STIP1: variants seen among roughly 807,000 people sequenced by gnomAD.
STIP1 encodes stress-induced-phosphoprotein 1.
A neutral mutation model predicts 77.4 loss-of-function variants in STIP1; 16 were observed. That is an observed-to-expected ratio of 0.21 (90% CI 0.14 to 0.31). The LOEUF is 0.31. Among genes scored for constraint, STIP1 ranks in the 10% least tolerant of loss-of-function variants. STIP1 has a pLI of 1.00. For missense variants in STIP1, 524 were observed against 684.8 expected, an observed-to-expected ratio of 0.77 and a Z score of 2.62; for synonymous variants, 258 against 246.6, an observed-to-expected ratio of 1.05 and a Z score of -0.44.
At chr11:64,199,863 C>T in intron 8 of STIP1, 77 bp from the exon 9 acceptor site, 3 of 1,564,666 alleles carry the variant, frequency 1.9e-6, no homozygotes, top group South Asian at 1.1e-5. Flanking sequence ...GCGCCCGGCC[C>T]CTAATGTGAT....
chr11:64,195,838 G>A, intron 5 of STIP1, 25 bp downstream of exon 5: 2 of 1,613,758 alleles, frequency 1.2e-6, no homozygotes, highest in African/African-American at 1.3e-5. Flanking sequence ...TCTCCTCACT[G>A]TCACCTATCT....
intron 10 of STIP1, 114 bp downstream of exon 10, chr11:64,200,407 G>GTCT (rs930570345): frequency 1.2e-5 from 18 of 1,477,224 alleles, no homozygotes; most frequent in Admixed American, 2.3e-5. Context: ...TTGAGACAGT[G>GTCT]TCTCACTCTG....
chr11:64,199,598 T>C (rs1946192965), intron 8 of STIP1, among the ~76,000 whole-genome samples: 1 of 141,590 alleles, frequency 7.1e-6, no homozygotes, highest in African/African-American at 2.6e-5. Context: ...AGTCTCGCTC[T>C]GTCACCCAGG....
chr11:64,197,442 G>A, intron 6 of STIP1, 45 bp downstream of exon 6: 2 of 1,614,144 alleles, frequency 1.2e-6, no homozygotes, highest in East Asian at 2.2e-5. Context: ...GGGTGTCTCT[G>A]AGGGAGGAAG....
rs562766276 is a variant in STIP1, at chr11:64,194,704, G to A, written c.503+84G>A. 6.6e-6 allele frequency: 10 copies of A among 1,515,142 alleles called. No homozygotes were observed. The East Asian group carries it at 1.9e-4, about 29-fold the overall frequency. 93.9% of individuals were successfully genotyped at this position (1,515,142 alleles called of 1,614,324 possible). A position where few individuals can be genotyped will look rare whatever the true frequency, so the allele number is the denominator to read the frequency against. On this transcript the variant is annotated intron_variant, in intron 4 of 13. Coordinates refer to ENST00000305218, the MANE Select transcript of STIP1 (RefSeq NM_006819.3). The stretch of plus-strand genomic sequence containing the variant: ...GTAACCTCACAGCAGAGGGTTCCCT[G>A]GTCTAAACTGCAGAGTTTTTGCCTT...
chr11:64,200,109 G>T (rs899208875), intron 9 of STIP1, 60 bp from the exon 10 acceptor site: 40 of 1,612,206 alleles, frequency 2.5e-5, no homozygotes, highest in Non-Finnish European at 3.2e-5. Flanking sequence ...GGGGTAAATG[G>T]CCGGCTACAC....
chr11:64,197,964 A>G lies in STIP1; in HGVS notation c.1013A>G (p.Lys338Arg). Residue 338 changes from lysine to arginine, a missense_variant, in exon 8 of 14, where the codon AAA becomes AGA. Lys to Arg is a conservative substitution (Grantham distance 26). Transcript: ENST00000305218. ...AEHRTPDVLKKCQQAEKILKE... is the reference protein window; with the variant it reads ...AEHRTPDVLKRCQQAEKILKE... Reference sequence around the variant, plus strand: ...CACCGAACCCCAGATGTGCTCAAGAAATGCCAGCAGGTGCGTAGGAAAAGA... The same window carrying G: ...CACCGAACCCCAGATGTGCTCAAGAGATGCCAGCAGGTGCGTAGGAAAAGA... The G allele has an allele frequency of 1.2e-6, 2 of 1,613,148 alleles. No individual in the cohort carries two copies.
chr11:64,190,051 A>G (rs1946075063), intron 1 of STIP1, among the ~76,000 whole-genome samples: 1 of 150,956 alleles, frequency 6.6e-6, no homozygotes, highest in African/African-American at 2.4e-5. Context: ...TCCAGGTGAG[A>G]ATGCAGTGGT....
chr11:64,186,348 GC>G, intron 1 of STIP1, 78 bp downstream of exon 1: 3 of 969,434 alleles, frequency 3.1e-6, no homozygotes, highest in Non-Finnish European at 4.4e-6. Flanking sequence ...GGGGGGCGGG[GC>G]GGGCGCCGGA....
rs1035690598 is a variant in STIP1, at chr11:64,199,852, C to T, written c.1024-88C>T. ...TGCTGGGATCACAGGCGTGAGCCACCGCGCCCGGCCCCTAATGTGATTTTT... is the reference window on the plus strand; with the variant it reads ...TGCTGGGATCACAGGCGTGAGCCACTGCGCCCGGCCCCTAATGTGATTTTT... On this transcript the variant is annotated intron_variant, in intron 8 of 13. Transcript: ENST00000305218. 4.4e-5 allele frequency: 66 copies of T among 1,502,414 alleles called. 1 individual carries two copies. The Admixed American group carries it at 1.1e-3, about 25-fold the overall frequency. 93.1% of individuals were successfully genotyped at this position (1,502,414 alleles called of 1,614,324 possible).
rs758161054 is a variant in STIP1, at chr11:64,193,107, G to T, written c.39G>T (p.Lys13Asn). 30 of 1,614,074 alleles carry T rather than the reference G, an allele frequency of 1.9e-5. No homozygotes were observed. The highest frequency in any genetic ancestry group is 2.7e-5 in the African/African-American group (2 of 74,918). The change falls in exon 2 of 14, where the codon AAG (lysine) becomes AAT (asparagine). Residue 13 changes from lysine to asparagine, a missense_variant. By Grantham distance (94) the Lys-to-Asn change is moderately conservative. Coordinates refer to ENST00000305218, the MANE Select transcript of STIP1 (RefSeq NM_006819.3). ...ATGAGCTGAAGGAGAAAGGCAACAAGGCCCTGAGCGTGGGTAACATCGATG... is the reference window on the plus strand; with the variant it reads ...ATGAGCTGAAGGAGAAAGGCAACAATGCCCTGAGCGTGGGTAACATCGATG... ...QVNELKEKGN[K>N]ALSVGNIDDA...
rs1176062078 is a variant in STIP1 at position 64,186,286 on chromosome 11, C to T, written c.9+16C>T. 6.5e-6 allele frequency: 7 copies of T among 1,069,370 alleles called. No individual in the cohort carries two copies. The highest frequency in any genetic ancestry group is 4.3e-5 in the African/African-American group (2 of 46,668). The allele number at this position is 1,069,370 out of a possible 1,614,324, so 66.2% of individuals were successfully genotyped here. On this transcript the variant is annotated intron_variant, in intron 1 of 13. Transcript: ENST00000305218. Reference sequence around the variant, plus strand: ...TATGGAGCAGGTGAAGGGGGAGGGGCGGGCTGAGGCCCCGAGCCTGCTCGG... The same window carrying T: ...TATGGAGCAGGTGAAGGGGGAGGGGTGGGCTGAGGCCCCGAGCCTGCTCGG...
intron 1 of STIP1, 80 bp from the exon 2 acceptor site, chr11:64,192,998 A>G (rs1260941002): frequency 1.5e-6 from 2 of 1,354,638 alleles, no homozygotes; most frequent in East Asian, 2.4e-5. Flanking sequence ...TGGTAACTAC[A>G]TGAAAGAATG....
Position 64,189,572 on chromosome 11 carries a change from T to TC in STIP1, c.9+3303dup, listed in dbSNP as rs200079595. 1.2e-3 allele frequency among the ~76,000 whole-genome samples: 185 copies of TC among 152,184 alleles called. 1 individual carries two copies. The South Asian group carries it at 0.025, about 20-fold the overall frequency. On this transcript the variant is annotated intron_variant, in intron 1 of 13. Coordinates refer to ENST00000305218, the MANE Select transcript of STIP1 (RefSeq NM_006819.3). The stretch of plus-strand genomic sequence containing the variant: ...TTTTGAATGTTCAGGCTTTTTTTTT[T>TC]CAATAGGGGCCTTTCAAATCCCACA...
At chr11:64,185,677 C>T, upstream of STIP1, 1 of 1,142,294 alleles carries the variant, frequency 8.8e-7, no homozygotes, top group Non-Finnish European at 1.2e-6. Flanking sequence ...GACACAGCTA[C>T]AGACCCCGAC....
chr11:64,200,486 T>C (rs893300605), intron 10 of STIP1, among the ~76,000 whole-genome samples, 193 bp downstream of exon 10: 3 of 152,042 alleles, frequency 2.0e-5, no homozygotes, highest in Non-Finnish European at 4.4e-5. Context: ...CATTTTTTAT[T>C]TTTTTTGTAG....
intron 5 of STIP1, 199 bp downstream of exon 5, chr11:64,196,012 G>A (rs900896627): frequency 5.8e-6 from 4 of 693,856 alleles, no homozygotes; most frequent in South Asian, 5.8e-5. Context: ...TTACAGTCAC[G>A]AGCCACTGTG....
upstream of STIP1, chr11:64,186,162 G>A (rs530274717): frequency 1.7e-5 from 26 of 1,550,546 alleles, no homozygotes; most frequent in African/African-American, 1.8e-4. Flanking sequence ...CGGGAGCCGG[G>A]GTCCCGGTAG....
At chr11:64,194,936 A>G (rs1188818830) in intron 4 of STIP1, among the ~76,000 whole-genome samples, 1 of 152,098 alleles carries the variant, frequency 6.6e-6, no homozygotes, top group Non-Finnish European at 1.5e-5. Flanking sequence ...CAGAGTGGAA[A>G]CAGGGTTGAA....
Sources: gnomAD v4.1 joint callset for allele counts (sites outside exome capture counted in the v4.1 genomes callset) on GRCh38, gnomAD v4.1.1 for gene constraint, MANE v1.5 for transcripts, NCBI Gene and HGNC (gene_info 2026-07-23, HGNC 2026-07-21) for gene names.